Variants in ADISSP observed in about 807,000 individuals in gnomAD.
ADISSP encodes the protein adipose-secreted signaling protein.
the ADISSP span, among the ~76,000 whole-genome samples, chr20:3,763,467 G>C: frequency 6.7e-6 from 1 of 149,018 alleles, no homozygotes; most frequent in Non-Finnish European, 1.5e-5. Context: ...TGAGGCAGGA[G>C]AATCGCTTGA....
the ADISSP span, among the ~76,000 whole-genome samples, chr20:3,755,827 C>T: frequency 1.3e-5 from 2 of 152,160 alleles, no homozygotes; most frequent in Non-Finnish European, 2.9e-5. Flanking sequence ...GCTTGGCCAG[C>T]AAGATCCTCA....
chr20:3,761,512 T>C, the ADISSP span, among the ~76,000 whole-genome samples: 3 of 152,100 alleles, frequency 2.0e-5, no homozygotes, highest in East Asian at 5.8e-4. Flanking sequence ...ATTTTTGTAT[T>C]TTTAGTAGAG....
the ADISSP span, chr20:3,755,392 C>T: frequency 7.1e-7 from 1 of 1,418,352 alleles, no homozygotes; most frequent in East Asian, 2.3e-5. Context: ...TGCCCATCCA[C>T]CCTAGTTGGA....
chr20:3,760,125 C>T, the ADISSP span: 38 of 1,587,166 alleles, frequency 2.4e-5, no homozygotes, highest in Admixed American at 6.3e-4. Context: ...CCACGCAGCT[C>T]CTGCCAGACA....
At chr20:3,766,240 C>T in the ADISSP span, among the ~76,000 whole-genome samples, 2,688 of 152,348 alleles carry the variant, frequency 0.018, 38 homozygotes, top group Non-Finnish European at 0.028. Flanking sequence ...GAGATGGGGC[C>T]ACACTGACCC....
At chr20:3,764,014 G>A in the ADISSP span, among the ~76,000 whole-genome samples, 3 of 152,202 alleles carry the variant, frequency 2.0e-5, no homozygotes, top group Non-Finnish European at 4.4e-5. Context: ...CAGGGTGCAG[G>A]AAGTGGAGCT....
chr20:3,763,762 C>G, the ADISSP span, among the ~76,000 whole-genome samples: 7 of 152,294 alleles, frequency 4.6e-5, no homozygotes, highest in South Asian at 1.5e-3. Flanking sequence ...ACAGGGTGGC[C>G]TCATAGTTTA....
chr20:3,759,096 G>A, the ADISSP span, among the ~76,000 whole-genome samples: 5 of 152,174 alleles, frequency 3.3e-5, no homozygotes, highest in Non-Finnish European at 7.3e-5. The surrounding 1 kb of genome is among the most constrained non-coding windows in gnomAD (Gnocchi z 4.6). Context: ...CCTAAGCTGT[G>A]TCAGTGCATG....
the ADISSP span, chr20:3,755,298 G>A: frequency 1.6e-6 from 1 of 626,082 alleles, no homozygotes. Flanking sequence ...GTTCAGGACA[G>A]GGAGCAAGGC....
At chr20:3,758,349 G>A in the ADISSP span, among the ~76,000 whole-genome samples, 2 of 152,328 alleles carry the variant, frequency 1.3e-5, no homozygotes, top group South Asian at 2.1e-4. The surrounding 1 kb of genome is among the most constrained non-coding windows in gnomAD (Gnocchi z 5.5). Flanking sequence ...TGATCTGGAT[G>A]ACATTCTAAA....
At chr20:3,761,961 T>C in the ADISSP span, among the ~76,000 whole-genome samples, 3 of 152,320 alleles carry the variant, frequency 2.0e-5, no homozygotes, top group Middle Eastern at 3.4e-3. Flanking sequence ...GACCTGTTTT[T>C]TGTTTTTGTT....
chr20:3,761,465 A>G, the ADISSP span, among the ~76,000 whole-genome samples: 3 of 152,050 alleles, frequency 2.0e-5, no homozygotes, highest in African/African-American at 7.2e-5. Flanking sequence ...CATCCCGAGT[A>G]GCTGGGACTA....
At chr20:3,757,714 A>T in the ADISSP span, among the ~76,000 whole-genome samples, 3 of 152,082 alleles carry the variant, frequency 2.0e-5, no homozygotes, top group African/African-American at 7.2e-5. Flanking sequence ...CTGCAACCTC[A>T]GCCTCCTGGG....
chr20:3,758,171 T>C, the ADISSP span, among the ~76,000 whole-genome samples: 30 of 152,342 alleles, frequency 2.0e-4, no homozygotes, highest in Admixed American at 1.1e-3. The surrounding 1 kb of genome is among the most constrained non-coding windows in gnomAD (Gnocchi z 5.5). Context: ...CTAGGGGATG[T>C]GATTGTCTCC....
At chr20:3,754,661 G>A in the ADISSP span, 1 of 830,584 alleles carries the variant, frequency 1.2e-6, no homozygotes, top group African/African-American at 1.7e-5. Flanking sequence ...GGCCCTTCTG[G>A]AGCCCAGAGA....
chr20:3,754,700 T>A, the ADISSP span, among the ~76,000 whole-genome samples: 1 of 152,012 alleles, frequency 6.6e-6, no homozygotes, highest in African/African-American at 2.4e-5. Flanking sequence ...GGTGCACAGG[T>A]CTCAAAAACC....
the ADISSP span, chr20:3,760,103 A>G: frequency 6.2e-7 from 1 of 1,610,964 alleles, no homozygotes; most frequent in Non-Finnish European, 8.5e-7. Context: ...GCAGCCATGG[A>G]CGCCCTCCCT....
chr20:3,758,134 A>G, the ADISSP span, among the ~76,000 whole-genome samples: 1 of 152,250 alleles, frequency 6.6e-6, no homozygotes, highest in African/African-American at 2.4e-5. This position sits in a 1 kb window ranked among gnomAD's most constrained non-coding sequence, Gnocchi z 5.5. Flanking sequence ...TATCACATAC[A>G]TACATTCTTC....
chr20:3,759,449 TGG>T, the ADISSP span, among the ~76,000 whole-genome samples: 1 of 152,106 alleles, frequency 6.6e-6, no homozygotes, highest in Non-Finnish European at 1.5e-5. This position sits in a 1 kb window ranked among gnomAD's most constrained non-coding sequence, Gnocchi z 4.6. Flanking sequence ...AGGCCTGGAC[TGG>T]ATGAATGCTC....
Sources: gnomAD v4.1 joint callset for allele counts (sites outside exome capture counted in the v4.1 genomes callset) on GRCh38, gnomAD v4.1.1 for gene constraint, Gnocchi (gnomAD v3.1) non-coding constraint, MANE v1.5 for transcripts, NCBI Gene and HGNC (gene_info 2026-07-23, HGNC 2026-07-21) for gene names.